Variants in CSNK2A2 observed in about 807,000 individuals in gnomAD.
CSNK2A2 encodes the protein casein kinase II subunit alpha'.
In CSNK2A2, 8 loss-of-function variants were observed where a neutral mutation model predicts 54.0. The observed-to-expected ratio is 0.15, with a 90% confidence interval of 0.09 to 0.27. The LOEUF is 0.27. CSNK2A2 is among the 10% of genes least tolerant of loss of function. The pLI is 1.00. For missense variants in CSNK2A2, 242 were observed against 439.4 expected, an observed-to-expected ratio of 0.55 and a Z score of 4.02; for synonymous variants, 141 against 153.9, an observed-to-expected ratio of 0.92 and a Z score of 0.62.
rs890937626 is a variant in CSNK2A2, at chr16:58,163,264, A to G, written c.*17+790T>C. Reference sequence around the variant, plus strand: ...CCTTACAAGGCTGCCAAAAAAAAAAAAAAAAAAAAAAAAGAAAAAGCAACA... The same window carrying G: ...CCTTACAAGGCTGCCAAAAAAAAAAGAAAAAAAAAAAAAGAAAAAGCAACA... On this transcript the variant is annotated intron_variant, in intron 11 of 11. Coordinates refer to ENST00000262506, the MANE Select transcript of CSNK2A2 (RefSeq NM_001896.4). 2.5e-4 allele frequency: 38 copies of G among 149,220 alleles called. 1 individual carries two copies. Among genetic ancestry groups the G allele is most frequent in the Admixed American group, 7.9e-4 (12 of 15,174 alleles). 9.2% of individuals were successfully genotyped at this position (149,220 alleles called of 1,614,324 possible).
intron 11 of CSNK2A2, chr16:58,159,004 TATGC>T (rs1961238462): frequency 6.6e-6 from 1 of 152,206 alleles, no homozygotes; most frequent in Admixed American, 6.5e-5. Flanking sequence ...GAGGAAGGAC[TATGC>T]ACCTGGGAAG....
At chr16:58,167,545 T>C in intron 7 of CSNK2A2, 140 bp downstream of exon 7, 1 of 678,952 alleles carries the variant, frequency 1.5e-6, no homozygotes, top group South Asian at 2.2e-5. Flanking sequence ...AAAAACTAGC[T>C]GAGAAAAAAC....
chr16:58,171,973 ATATATATTTT>A (rs1372952083), intron 5 of CSNK2A2, among the ~76,000 whole-genome samples: 2 of 37,816 alleles, frequency 5.3e-5, no homozygotes, highest in African/African-American at 3.1e-4. Flanking sequence ...ATATATATAT[ATATATATTTT>A]TTTTTTTTTT....
intron 4 of CSNK2A2, among the ~76,000 whole-genome samples, chr16:58,175,219 C>T (rs763813901): frequency 1.1e-4 from 16 of 152,152 alleles, no homozygotes; most frequent in Non-Finnish European, 2.1e-4. Flanking sequence ...GAGACCCACT[C>T]GCTGGGAGTT....
chr16:58,163,041 A>G (rs910290667), intron 11 of CSNK2A2: 2 of 152,288 alleles, frequency 1.3e-5, no homozygotes, highest in East Asian at 3.9e-4. Context: ...TCATGGGGAT[A>G]AAAGGAGGTG....
intron 4 of CSNK2A2, among the ~76,000 whole-genome samples, chr16:58,180,779 C>A (rs1020375710): frequency 6.6e-6 from 1 of 152,114 alleles, no homozygotes; most frequent in East Asian, 1.9e-4. Flanking sequence ...TTAATTCACC[C>A]TGGTATTAAC....
intron 4 of CSNK2A2, among the ~76,000 whole-genome samples, chr16:58,177,689 C>A (rs1208724637): frequency 6.6e-6 from 1 of 152,202 alleles, no homozygotes; most frequent in Non-Finnish European, 1.5e-5. Context: ...ACCAACACAC[C>A]AAACTCTCAA....
rs746782575 is a variant in CSNK2A2, at chr16:58,168,596, G to A, written c.513+14C>T. On this transcript the variant is annotated intron_variant, in intron 6 of 11. Coordinates refer to ENST00000262506, the MANE Select transcript of CSNK2A2 (RefSeq NM_001896.4). The stretch of plus-strand genomic sequence containing the variant: ...CTTTTAATCAAGCTTGTTGCTGCCT[G>A]GCTGTAATGGTACCTTTTTCTGTTG... 2.5e-6 allele frequency: 4 copies of A among 1,609,368 alleles called. No homozygotes were observed. Among genetic ancestry groups the A allele is most frequent in the Non-Finnish European group, 3.4e-6 (4 of 1,175,958 alleles).
intron 5 of CSNK2A2, among the ~76,000 whole-genome samples, chr16:58,171,930 A>G (rs909818707): frequency 7.0e-6 from 1 of 142,086 alleles, no homozygotes; most frequent in Non-Finnish European, 1.5e-5. Flanking sequence ...CTGGAACCAT[A>G]GGCATGTACC....
chr16:58,173,481 G>A (rs965625471), intron 5 of CSNK2A2, among the ~76,000 whole-genome samples: 1 of 152,076 alleles, frequency 6.6e-6, no homozygotes, highest in African/African-American at 2.4e-5. Context: ...AGGACCCATG[G>A]GTGTATTCCA....
chr16:58,180,279 G>A (rs890492004), intron 4 of CSNK2A2, among the ~76,000 whole-genome samples: 3 of 150,882 alleles, frequency 2.0e-5, no homozygotes, highest in African/African-American at 4.9e-5. Context: ...AAAGATTAAC[G>A]ACAGATCTCT....
chr16:58,164,370 C>T (rs1381235349), intron 10 of CSNK2A2, among the ~76,000 whole-genome samples: 3 of 152,194 alleles, frequency 2.0e-5, no homozygotes, highest in South Asian at 2.1e-4. Context: ...TACCCTTCCT[C>T]GGAGTACAGA....
chr16:58,197,715 T>G lies in CSNK2A2; in HGVS notation c.22A>C (p.Ser8Arg). The change falls in exon 1 of 12, where the codon AGC becomes CGC. Residue 8 changes from serine (S) to arginine (R), a missense_variant. Physicochemically the swap from Ser to Arg is moderately radical, Grantham distance 110. This residue lies in a region of CSNK2A2 where 48 missense variants were observed against 55.4 expected (regional missense o/e 0.87). Coordinates refer to ENST00000262506, the MANE Select transcript of CSNK2A2 (RefSeq NM_001896.4). This position sits in a 1 kb window ranked among gnomAD's most constrained non-coding sequence, Gnocchi z 4.0. Reference protein sequence around the residue: MPGPAAGSRARVYAEVNS... With the variant: MPGPAAGRRARVYAEVNS... ...ACCTCGGCGTAGACCCGGGCCCTGC[T>G]GCCCGCGGCCGGGCCGGGCATGGCG... 6.7e-7 allele frequency: 1 copy of G among 1,486,014 alleles called. No individual in the cohort carries two copies. The highest frequency in any genetic ancestry group is 9.0e-7 in the Non-Finnish European group (1 of 1,114,266). 92.1% of individuals were successfully genotyped at this position (1,486,014 alleles called of 1,614,324 possible). A position where few individuals can be genotyped will look rare whatever the true frequency, so the allele number is the denominator to read the frequency against.
Position 58,197,756 on chromosome 16 carries a change from C to G in CSNK2A2, c.-20G>C. 1 of 1,067,462 alleles carries G rather than the reference C, an allele frequency of 9.4e-7. No homozygotes were observed. The highest frequency in any genetic ancestry group is 1.2e-6 in the Non-Finnish European group (1 of 848,666). The allele number at this position is 1,067,462 out of a possible 1,614,324, so 66.1% of individuals were successfully genotyped here. A position where few individuals can be genotyped will look rare whatever the true frequency, so the allele number is the denominator to read the frequency against. On this transcript the variant is annotated 5_prime_UTR_variant, in exon 1 of 12. Coordinates refer to ENST00000262506, the MANE Select transcript of CSNK2A2 (RefSeq NM_001896.4). The surrounding 1 kb of genome is among the most constrained non-coding windows in gnomAD (Gnocchi z 4.0). ...GGGCATGGCGGGCGGGACCGGGGGGCGGCGCGGGGCGCAGAGGGTGGCGGC... is the reference window on the plus strand; with the variant it reads ...GGGCATGGCGGGCGGGACCGGGGGGGGGCGCGGGGCGCAGAGGGTGGCGGC...
chr16:58,193,824 C>T (rs1311365481), intron 2 of CSNK2A2, among the ~76,000 whole-genome samples: 1 of 152,158 alleles, frequency 6.6e-6, no homozygotes, highest in African/African-American at 2.4e-5. Context: ...TCTCTTTTCT[C>T]CTCAAAACAA....
chr16:58,176,558 G>C (rs79610353), intron 4 of CSNK2A2, among the ~76,000 whole-genome samples: 2 of 152,040 alleles, frequency 1.3e-5, no homozygotes, highest in Non-Finnish European at 1.5e-5. Flanking sequence ...GACTATGCAG[G>C]GTCCACAGTC....
intron 4 of CSNK2A2, among the ~76,000 whole-genome samples, chr16:58,183,920 T>C (rs1164919585): frequency 6.6e-6 from 1 of 152,190 alleles, no homozygotes; most frequent in African/African-American, 2.4e-5. Context: ...GGTCTATCCC[T>C]TCCTCTCGGC....
Position 58,176,614 on chromosome 16 carries a change from G to A in CSNK2A2, c.370-2104C>T, listed in dbSNP as rs1055275796. The stretch of plus-strand genomic sequence containing the variant: ...AGCTCTGTTCTTCACTGTACCCCCA[G>A]GAGTCCACAGCTCTGACAAAACAAG... On this transcript the variant is annotated intron_variant, in intron 4 of 11. Coordinates refer to ENST00000262506, the MANE Select transcript of CSNK2A2 (RefSeq NM_001896.4). 3.3e-5 allele frequency among the ~76,000 whole-genome samples: 5 copies of A among 152,232 alleles called. No individual in the cohort carries two copies. The South Asian group carries it at 1.0e-3, about 32-fold the overall frequency.
At chr16:58,183,188 C>T (rs535584539) in intron 4 of CSNK2A2, among the ~76,000 whole-genome samples, 4 of 150,568 alleles carry the variant, frequency 2.7e-5, no homozygotes, top group South Asian at 4.2e-4. Flanking sequence ...GGTGAAACCC[C>T]GTCTCTGCTA....
Sources: allele counts gnomAD v4.1 joint callset (sites outside exome capture counted in the v4.1 genomes callset), GRCh38; gene constraint gnomAD v4.1.1; regional missense constraint gnomAD v4.1.1; non-coding constraint Gnocchi (gnomAD v3.1); transcripts MANE v1.5; gene names NCBI Gene and HGNC (gene_info 2026-07-23, HGNC 2026-07-21).